Variants in RDX observed in about 807,000 individuals in gnomAD.
RDX encodes the protein deafness, autosomal recessive 24.
RDX carries 32 observed loss-of-function variants against 83.7 expected under a neutral mutation model. The ratio of observed to expected loss-of-function variants is 0.38; its 90% CI spans 0.29 to 0.51. RDX has a LOEUF of 0.51. Ranked by LOEUF, RDX falls within the 20% of genes least tolerant of loss-of-function variation. The pLI, the probability that RDX is intolerant of heterozygous loss-of-function variation, is 0.87. For missense variants in RDX, 600 were observed against 689.9 expected, an observed-to-expected ratio of 0.87 and a Z score of 1.46; for synonymous variants, 229 against 222.7, an observed-to-expected ratio of 1.03 and a Z score of -0.25.
At chr11:110,261,860 T>C (rs1859820244) in intron 5 of RDX, among the ~76,000 whole-genome samples, 1 of 152,168 alleles carries the variant, frequency 6.6e-6, no homozygotes, top group African/African-American at 2.4e-5. Flanking sequence ...AAATAAACTG[T>C]GCTTGTGTGT....
intron 2 of RDX, 146 bp downstream of exon 2, chr11:110,279,535 T>C: frequency 4.9e-6 from 3 of 617,870 alleles, no homozygotes; most frequent in Non-Finnish European, 8.8e-6. Flanking sequence ...CTAATTAATT[T>C]GGCCACATTA....
In RDX at chr11:110,209,831, C is replaced by T. The variant is rs7933879; in HGVS notation, c.1749-10153G>A. Among the ~76,000 whole-genome samples, 400 of 146,576 alleles carry T rather than the reference C, an allele frequency of 2.7e-3. 3 individuals carry two copies. The highest frequency in any genetic ancestry group is 9.6e-3 in the African/African-American group (384 of 40,076). ...AGAAAGGACATCCACACCAAAAACC[C>T]ATCTGTACATCACCATCATCAAAGA... On this transcript the variant is annotated intron_variant, in intron 14 of 15. Coordinates refer to the RDX transcript ENST00000528498.
intron 14 of RDX, among the ~76,000 whole-genome samples, chr11:110,212,420 G>C (rs1307754263): frequency 1.5e-5 from 1 of 65,860 alleles, no homozygotes; most frequent in African/African-American, 6.7e-5. Flanking sequence ...GGAGGAACTG[G>C]TACCATTCCT....
At chr11:110,192,915 G>T (rs535399602) in intron 15 of RDX, among the ~76,000 whole-genome samples, 1 of 152,220 alleles carries the variant, frequency 6.6e-6, no homozygotes, top group South Asian at 2.1e-4. Context: ...TACACTGTTG[G>T]TGGGAATATA....
chr11:110,230,439 AT>A lies in RDX; in HGVS notation c.*1429del, dbSNP rs926597516. 1 of 152,160 alleles carries A rather than the reference AT, an allele frequency of 6.6e-6. No individual in the cohort carries two copies. Among genetic ancestry groups the A allele is most frequent in the Non-Finnish European group, 1.5e-5 (1 of 68,006 alleles). The allele number at this position is 152,160 out of a possible 1,614,324, so 9.4% of individuals were successfully genotyped here. A position where few individuals can be genotyped will look rare whatever the true frequency, so the allele number is the denominator to read the frequency against. On this transcript the variant is annotated 3_prime_UTR_variant, in exon 14 of 14. Transcript: ENST00000645495. ...AAGAATTAACAAACCAAATTTAAGT[AT>A]TTTTAGTCAGAGATTGAAACAAAAT...
At chr11:110,235,283 T>C (rs1864799715) in intron 12 of RDX, among the ~76,000 whole-genome samples, 1 of 152,160 alleles carries the variant, frequency 6.6e-6, no homozygotes, top group African/African-American at 2.4e-5. Flanking sequence ...AAAGCTGCAA[T>C]GAATTATGAT....
chr11:110,245,419 G>A (rs1195696912), intron 10 of RDX, among the ~76,000 whole-genome samples: 1 of 152,166 alleles, frequency 6.6e-6, no homozygotes, highest in Non-Finnish European at 1.5e-5. Flanking sequence ...GTGCAACAGA[G>A]TGAGAACCTG....
rs377016439 is a variant in RDX at position 110,247,744 on chromosome 11, C to T, written c.1049G>A (p.Arg350His). 396 of 1,612,068 alleles carry T rather than the reference C, an allele frequency of 2.5e-4. No individual in the cohort carries two copies. Among genetic ancestry groups the T allele is most frequent in the Non-Finnish European group, 3.1e-4 (368 of 1,179,414 alleles). ...IEREKEELMERLKQIEEQTIK... is the reference protein window; with the variant it reads ...IEREKEELMEHLKQIEEQTIK... ...TGTCTGCTCTTCAATTTGTTTTAGA[C>T]GTTCCATTAGCTCTTCCTTTTCACG... The change falls in exon 10 of 14, where the codon CGT (arginine) becomes CAT (histidine). Residue 350 changes from arginine to histidine, a missense_variant. Physicochemically the swap from Arg to His is conservative, Grantham distance 29. Coordinates refer to ENST00000645495, the MANE Select transcript of RDX (RefSeq NM_002906.4).
chr11:110,274,430 G>T lies in RDX; in HGVS notation c.13-1811C>A, dbSNP rs182113706. Among the ~76,000 whole-genome samples the T allele has an allele frequency of 3.9e-5, 6 of 152,170 alleles. No homozygotes were observed. In the East Asian group the frequency reaches 1.2e-3, roughly 29 times the overall value. Reference sequence around the variant, plus strand: ...ATTTTTAGCTGTATTATAACTGCACGATATTTGTTGATCAAGTTTTCTTTC... The same window carrying T: ...ATTTTTAGCTGTATTATAACTGCACTATATTTGTTGATCAAGTTTTCTTTC... On this transcript the variant is annotated intron_variant, in intron 2 of 13. Coordinates refer to ENST00000645495, the MANE Select transcript of RDX (RefSeq NM_002906.4).
At chr11:110,189,659 C>T (rs1364789434) in intron 15 of RDX, among the ~76,000 whole-genome samples, 1 of 152,204 alleles carries the variant, frequency 6.6e-6, no homozygotes, top group African/African-American at 2.4e-5. Context: ...CAACCATACT[C>T]TAGAACTACA....
chr11:110,183,620 A>G (rs1053992722), intron 15 of RDX, among the ~76,000 whole-genome samples: 3 of 152,218 alleles, frequency 2.0e-5, no homozygotes, highest in Non-Finnish European at 4.4e-5. Context: ...CACTGCACCC[A>G]GACTATCTGC....
At chr11:110,223,288 G>A (rs932669363) in intron 14 of RDX, among the ~76,000 whole-genome samples, 1 of 152,138 alleles carries the variant, frequency 6.6e-6, no homozygotes, top group Non-Finnish European at 1.5e-5. Flanking sequence ...GGGAGGTGGA[G>A]CTTGCAGTGA....
At chr11:110,265,501 T>TATAC (rs1859998976) in intron 3 of RDX, among the ~76,000 whole-genome samples, 1 of 29,614 alleles carries the variant, frequency 3.4e-5, no homozygotes, top group Non-Finnish European at 8.8e-5. Context: ...GTCTTGAAAA[T>TATAC]ATATATATAT....
chr11:110,180,707 G>C (rs912530162), intron 15 of RDX, among the ~76,000 whole-genome samples: 3 of 150,776 alleles, frequency 2.0e-5, no homozygotes, highest in African/African-American at 7.3e-5. Context: ...CTGGAGTGCA[G>C]TGGTGCGATC....
intron 1 of RDX, among the ~76,000 whole-genome samples, chr11:110,292,287 T>C (rs1468196703): frequency 6.7e-6 from 1 of 149,478 alleles, no homozygotes; most frequent in East Asian, 1.9e-4. Flanking sequence ...AGCGAGACCC[T>C]GTCTTGGAAA....
chr11:110,266,389 C>CCCAG (rs1298858723), intron 3 of RDX, among the ~76,000 whole-genome samples: 1 of 151,606 alleles, frequency 6.6e-6, no homozygotes, highest in Non-Finnish European at 1.5e-5. Flanking sequence ...AGGATACACA[C>CCCAG]CCAGGACTTA....
At chr11:110,197,267 G>A (rs1392391911) in intron 15 of RDX, among the ~76,000 whole-genome samples, 3 of 152,150 alleles carry the variant, frequency 2.0e-5, no homozygotes, top group African/African-American at 4.8e-5. Flanking sequence ...CCCTAGTCAC[G>A]AGGAAGATAG....
At chr11:110,202,550 C>T (rs1252892297) in intron 14 of RDX, among the ~76,000 whole-genome samples, 1 of 151,654 alleles carries the variant, frequency 6.6e-6, no homozygotes, top group Non-Finnish European at 1.5e-5. Flanking sequence ...TCTCGAGAAG[C>T]TGGGACCACA....
At chr11:110,201,516 A>T (rs1863400974) in intron 14 of RDX, among the ~76,000 whole-genome samples, 2 of 146,172 alleles carry the variant, frequency 1.4e-5, no homozygotes, top group African/African-American at 5.0e-5. Flanking sequence ...CTTTGCCACC[A>T]GGTGGCGGCA....
Sources: gnomAD v4.1 joint callset for allele counts (sites outside exome capture counted in the v4.1 genomes callset) on GRCh38, gnomAD v4.1.1 for gene constraint, MANE v1.5 for transcripts, NCBI Gene and HGNC (gene_info 2026-07-23, HGNC 2026-07-21) for gene names.